PER3: variants seen among roughly 807,000 people sequenced by gnomAD.
PER3 encodes the protein period circadian regulator 3.
A neutral mutation model predicts 127.2 loss-of-function variants in PER3; 107 were observed. That is an observed-to-expected ratio of 0.84 (90% CI 0.72 to 0.99). The LOEUF (loss-of-function observed/expected upper bound fraction) is 0.99, where lower values mean the gene tolerates loss of function less well. Ranked by LOEUF, PER3 falls within the 50% of genes least tolerant of loss-of-function variation. The pLI is 0.00. For synonymous variants in PER3, 618 were observed against 585.8 expected (o/e 1.05, Z -0.79); for missense variants, 1,560 against 1,525.8 (o/e 1.02, Z -0.37).
rs34433622 is a variant in PER3, at chr1:7,801,093, CT to C, written c.794-17del. The stretch of plus-strand genomic sequence containing the variant: ...ATTAGATATTTGCCTTTAAATGGGT[CT>C]TTGTTTTTTTTTCCTTAGCTCCTCG... On this transcript the variant is annotated intron_variant, in intron 7 of 21. Coordinates refer to ENST00000377532, the MANE Select transcript of PER3 (RefSeq NM_001377275.1). 1 of 1,509,416 alleles carries C rather than the reference CT, an allele frequency of 6.6e-7. No individual in the cohort carries two copies. Among genetic ancestry groups the C allele is most frequent in the Non-Finnish European group, 9.2e-7 (1 of 1,090,070 alleles). 93.5% of individuals were successfully genotyped at this position (1,509,416 alleles called of 1,614,324 possible). A position where few individuals can be genotyped will look rare whatever the true frequency, so the allele number is the denominator to read the frequency against.
Position 7,826,662 on chromosome 1 carries a change from T to C in PER3, c.2140T>C (p.Tyr714His). 6.2e-7 allele frequency: 1 copy of C among 1,608,826 alleles called. No homozygotes were observed. The highest frequency in any genetic ancestry group is 8.5e-7 in the Non-Finnish European group (1 of 1,175,176). ...GATCCTGTCATCACCCTACAGCTCC[T>C]ATCTTCAGCAAGAAAGCAGGAGCAA... ...EKILSSPYSS[Y>H]LQQESRSKAK... The change falls in exon 17 of 22, where the codon TAT becomes CAT. Residue 714 changes from tyrosine to histidine, a missense_variant. Around this residue, in one of 3 missense-constraint regions of PER3, gnomAD observed 1,332 missense variants for 1,223.6 expected, o/e 1.09. Transcript: ENST00000377532. The surrounding 1 kb of genome is among the most constrained non-coding windows in gnomAD (Gnocchi z 4.2).
At chr1:7,830,623 C>T (rs1040697366) in intron 19 of PER3, among the ~76,000 whole-genome samples, 1 of 152,194 alleles carries the variant, frequency 6.6e-6, no homozygotes, top group Non-Finnish European at 1.5e-5. Context: ...GCATTTATAG[C>T]TTAGATCTGT....
At position 7,829,978 on chromosome 1, in the gene PER3, CATCCTACT is replaced by C; in HGVS notation, c.3032_3039del (p.His1011ArgfsTer69). The C allele has an allele frequency of 8.2e-7, 1 of 1,215,974 alleles. No individual in the cohort carries two copies. 75.3% of individuals were successfully genotyped at this position (1,215,974 alleles called of 1,614,324 possible). ...ATCGCCTCCCATGAAGAATCCATCC[CATCCTACT>C]GCCAGCGCTCTGTCCACAGGATCGC... On this transcript the variant is annotated frameshift_variant, in exon 19 of 22. Coordinates refer to ENST00000377532, the MANE Select transcript of PER3 (RefSeq NM_001377275.1). LOFTEE classifies it high-confidence loss of function.
intron 19 of PER3, among the ~76,000 whole-genome samples, chr1:7,831,413 T>C (rs958777252): frequency 3.4e-4 from 52 of 152,334 alleles, no homozygotes; most frequent in African/African-American, 1.1e-3. Context: ...ATTTTACTTC[T>C]TTTTTTCCGT....
chr1:7,827,264 TGCCCCTCCGCGGCCTCCTCTCC>T lies in PER3; in HGVS notation c.2338_2359del (p.Pro780ThrfsTer70), dbSNP rs760704411. 6.2e-7 allele frequency: 1 copy of T among 1,613,888 alleles called. No homozygotes were observed. Among genetic ancestry groups the T allele is most frequent in the Non-Finnish European group, 8.5e-7 (1 of 1,179,904 alleles). The stretch of plus-strand genomic sequence containing the variant: ...AGCGCATCAGAACGCACAGCCCTGC[TGCCCCTCCGCGGCCTCCTCTCC>T]GCACACCTCGAGCCCGACCTTCCCA... On this transcript the variant is annotated frameshift_variant, in exon 18 of 22. Transcript: ENST00000377532. LOFTEE classifies it high-confidence loss of function.
chr1:7,815,678 G>C (rs1179572266), intron 13 of PER3, among the ~76,000 whole-genome samples: 1 of 152,086 alleles, frequency 6.6e-6, no homozygotes, highest in African/African-American at 2.4e-5. Context: ...CAGAGAGGAA[G>C]TTTCAAGGGA....
intron 11 of PER3, 113 bp downstream of exon 11, chr1:7,809,111 A>G (rs368719732): frequency 3.4e-6 from 2 of 587,670 alleles, no homozygotes. Flanking sequence ...TTTGCCCTCT[A>G]CATTCCAGAA....
In PER3 at chr1:7,819,424, T is replaced by A. The variant is rs534512589; in HGVS notation, c.1658+4T>A. On this transcript the variant is annotated splice_donor_region_variant and intron_variant, in intron 14 of 21. Coordinates refer to ENST00000377532, the MANE Select transcript of PER3 (RefSeq NM_001377275.1). ...ACTGTATCGACAGTGTCATCAGGTA[T>A]GAGACCGCAAGTTTGGATACCATGT... is the stretch of plus-strand genomic sequence containing the variant. 1 of 1,613,670 alleles carries A rather than the reference T, an allele frequency of 6.2e-7. No individual in the cohort carries two copies. The highest frequency in any genetic ancestry group is 1.3e-5 in the African/African-American group (1 of 75,018).
At position 7,833,810 on chromosome 1, in the gene PER3, CCTTT is replaced by C. The variant is rs138605653; in HGVS notation, c.3215-1947_3215-1944del. On this transcript the variant is annotated intron_variant, in intron 19 of 21. Transcript: ENST00000377532. ...CTAATTTTCTGTTTGTCTCATCTGC[CCTTT>C]CTTTTTTTCCTCCTACCCTCCTCCT... 2.6e-5 allele frequency among the ~76,000 whole-genome samples: 4 copies of C among 152,014 alleles called. No homozygotes were observed. In the East Asian group the frequency reaches 5.8e-4, roughly 22 times the overall value.
chr1:7,839,855 C>T (rs550279580), intron 21 of PER3, among the ~76,000 whole-genome samples: 8 of 140,742 alleles, frequency 5.7e-5, no homozygotes, highest in African/African-American at 1.3e-4. Flanking sequence ...TGTGGATCTC[C>T]GAGTTCTGAG....
At chr1:7,815,294 C>T (rs933328752) in intron 13 of PER3, among the ~76,000 whole-genome samples, 3 of 152,118 alleles carry the variant, frequency 2.0e-5, no homozygotes, top group African/African-American at 7.2e-5. Context: ...AGACTGAAAT[C>T]GTCAAATTGG....
intron 6 of PER3, among the ~76,000 whole-genome samples, chr1:7,795,038 A>G (rs2097139107): frequency 6.6e-6 from 1 of 152,140 alleles, no homozygotes; most frequent in African/African-American, 2.4e-5. Flanking sequence ...ATGATGAAAT[A>G]GTCTAATATT....
At position 7,834,451 on chromosome 1, in the gene PER3, T is replaced by TTTG. The variant is rs770599529; in HGVS notation, c.3215-1293_3215-1291dup. 5.3e-4 allele frequency among the ~76,000 whole-genome samples: 80 copies of TTTG among 152,176 alleles called. No individual in the cohort carries two copies. In the Middle Eastern group the frequency reaches 0.01, roughly 19 times the overall value. On this transcript the variant is annotated intron_variant, in intron 19 of 21. Transcript: ENST00000377532. ...TCTTAAAGTTGTTTTGTGTGAGTGTTTTGTTGTTGTTGTTGTTGTTTTGAC... is the reference window on the plus strand; with the variant it reads ...TCTTAAAGTTGTTTTGTGTGAGTGTTTTGTTGTTGTTGTTGTTGTTGTTTTGAC...
At chr1:7,806,808 AAAAAATATATATATAT>A (rs999779464) in intron 10 of PER3, among the ~76,000 whole-genome samples, 1 of 60,812 alleles carries the variant, frequency 1.6e-5, no homozygotes, top group African/African-American at 6.1e-5. Context: ...AAAAAAAAAA[AAAAAATATATATATAT>A]ATATATATAT....
Position 7,808,886 on chromosome 1 carries a change from T to C in PER3, c.1137-7T>C. On this transcript the variant is annotated splice_polypyrimidine_tract_variant and splice_region_variant and intron_variant, in intron 10 of 21. Coordinates refer to ENST00000377532, the MANE Select transcript of PER3 (RefSeq NM_001377275.1). ...TTTGACTCAGTCTCTCACTGGGCAT[T>C]TTCTAGGAGCCCACTAAATGAGGAT... is the stretch of plus-strand genomic sequence containing the variant. The C allele has an allele frequency of 6.6e-7, 1 of 1,508,896 alleles. No individual in the cohort carries two copies. The highest frequency in any genetic ancestry group is 9.2e-7 in the Non-Finnish European group (1 of 1,085,500). 93.5% of individuals were successfully genotyped at this position (1,508,896 alleles called of 1,614,324 possible).
intron 19 of PER3, among the ~76,000 whole-genome samples, chr1:7,830,404 T>A (rs1239820137): frequency 1.3e-5 from 2 of 152,186 alleles, no homozygotes; most frequent in Non-Finnish European, 2.9e-5. Context: ...ACAATCACCA[T>A]ATAGAACATT....
At chr1:7,804,592 G>A (rs781640426) in intron 10 of PER3, among the ~76,000 whole-genome samples, 3 of 151,574 alleles carry the variant, frequency 2.0e-5, no homozygotes, top group Admixed American at 6.6e-5. Flanking sequence ...GTAGAGATGG[G>A]GTTTTGCCAT....
At chr1:7,817,184 G>A (rs749374505) in intron 13 of PER3, among the ~76,000 whole-genome samples, 12 of 152,192 alleles carry the variant, frequency 7.9e-5, no homozygotes, top group Non-Finnish European at 1.5e-4. Context: ...AGGGACAGCT[G>A]TAAGGACATT....
chr1:7,813,893 C>T (rs746385992), intron 13 of PER3, among the ~76,000 whole-genome samples: 51 of 152,262 alleles, frequency 3.3e-4, no homozygotes, highest in Non-Finnish European at 5.7e-4. Context: ...TTGGAACTAT[C>T]TGACAGGGAA....
Sources: gnomAD v4.1 joint callset for allele counts (sites outside exome capture counted in the v4.1 genomes callset) on GRCh38, gnomAD v4.1.1 for gene constraint, gnomAD v4.1.1 regional missense constraint, Gnocchi (gnomAD v3.1) non-coding constraint, MANE v1.5 for transcripts, NCBI Gene and HGNC (gene_info 2026-07-23, HGNC 2026-07-21) for gene names.